Variants in ZNF469 observed in about 807,000 individuals in gnomAD.
ZNF469 encodes zinc finger protein 469.
Under a neutral mutation model 1.0 loss-of-function variants are expected in ZNF469, and 1 was observed. The ratio of observed to expected loss-of-function variants is 1.00; its 90% confidence interval spans 0.35 to 4.73. ZNF469 has a LOEUF of 4.73. Among genes scored for constraint, ZNF469 ranks in the 30% most tolerant of loss-of-function variants. The pLI is 0.16. For missense variants in ZNF469, 6,100 were observed against 5,356.3 expected (o/e 1.14, Z -4.33); for synonymous variants, 2,703 against 2,363.4 (o/e 1.14, Z -4.17).
chr16:88,234,920 G>A, the ZNF469 span: 1 of 152,204 alleles, frequency 6.6e-6, no homozygotes, highest in Non-Finnish European at 1.5e-5. Flanking sequence ...TTCCCCCTTG[G>A]CCCTGGGAAG....
the ZNF469 span, among the ~76,000 whole-genome samples, chr16:88,345,574 G>A: frequency 1.3e-5 from 2 of 152,014 alleles, no homozygotes; most frequent in Non-Finnish European, 2.9e-5. Context: ...GGCCTCTGCA[G>A]GCTGGCATGG....
chr16:88,189,480 G>A, the ZNF469 span, among the ~76,000 whole-genome samples: 6 of 152,314 alleles, frequency 3.9e-5, no homozygotes, highest in South Asian at 2.1e-4. The surrounding 1 kb of genome is among the most constrained non-coding windows in gnomAD (Gnocchi z 4.3). Flanking sequence ...CCCCTGGGAC[G>A]TGCTCTCTAG....
the ZNF469 span, among the ~76,000 whole-genome samples, chr16:88,347,637 A>T: frequency 6.6e-6 from 1 of 152,138 alleles, no homozygotes; most frequent in Non-Finnish European, 1.5e-5. Context: ...TCTGCCCCAC[A>T]TCCACCCCGA....
chr16:88,428,308 C>G lies in ZNF469; in HGVS notation c.838C>G (p.Leu280Val). ...TTCCTTCCAGTTCCCCTTCCCGGCA[C>G]TGCATGGGGCCAGCACAAAACCCTT... Reference protein sequence around the residue: ...GVSFQFPFPALHGASTKPFPA... With the variant: ...GVSFQFPFPAVHGASTKPFPA... Residue 280 changes from leucine to valine, a missense_variant, in exon 3 of 3, where the codon CTG (leucine) becomes GTG (valine). Coordinates refer to ENST00000565624, the MANE Select transcript of ZNF469 (RefSeq NM_001367624.2). 6.5e-7 allele frequency: 1 copy of G among 1,550,320 alleles called. No homozygotes were observed. Among genetic ancestry groups the G allele is most frequent in the Non-Finnish European group, 8.7e-7 (1 of 1,146,934 alleles).
the ZNF469 span, among the ~76,000 whole-genome samples, chr16:88,357,725 T>C: frequency 2.0e-5 from 3 of 152,228 alleles, no homozygotes; most frequent in Non-Finnish European, 4.4e-5. Context: ...CCATCGCATT[T>C]ATGGGAGATC....
the ZNF469 span, among the ~76,000 whole-genome samples, chr16:88,245,491 G>C: frequency 6.6e-6 from 1 of 152,266 alleles, no homozygotes; most frequent in Non-Finnish European, 1.5e-5. Flanking sequence ...TCCCTCTGTG[G>C]GTCCTGGAGA....
chr16:88,146,717 G>A, the ZNF469 span, among the ~76,000 whole-genome samples: 1 of 152,076 alleles, frequency 6.6e-6, no homozygotes, highest in African/African-American at 2.4e-5. Context: ...CAGCACAAGG[G>A]TGGTTTCCAG....
At chr16:88,409,688 T>C (rs1312666587) in intron 1 of ZNF469, among the ~76,000 whole-genome samples, 2 of 152,176 alleles carry the variant, frequency 1.3e-5, no homozygotes, top group Non-Finnish European at 2.9e-5. Flanking sequence ...GAAAAATGCA[T>C]GTGTTCACAC....
chr16:88,152,629 G>A, the ZNF469 span, among the ~76,000 whole-genome samples: 6 of 152,116 alleles, frequency 3.9e-5, no homozygotes, highest in Non-Finnish European at 7.4e-5. The surrounding 1 kb of genome is among the most constrained non-coding windows in gnomAD (Gnocchi z 4.2). Context: ...CTACCTCTGT[G>A]CTAATTGGAA....
chr16:88,301,872 G>A, the ZNF469 span, among the ~76,000 whole-genome samples: 10 of 152,296 alleles, frequency 6.6e-5, no homozygotes, highest in African/African-American at 1.9e-4. Context: ...AGGCAGGAGG[G>A]GGTAACTATC....
chr16:88,268,130 G>A, the ZNF469 span, among the ~76,000 whole-genome samples: 1 of 152,170 alleles, frequency 6.6e-6, no homozygotes, highest in Admixed American at 6.5e-5. Context: ...TTGGTGAAAT[G>A]TCTATTCAAG....
chr16:88,269,725 C>G, the ZNF469 span, among the ~76,000 whole-genome samples: 1 of 152,270 alleles, frequency 6.6e-6, no homozygotes, highest in African/African-American at 2.4e-5. Context: ...ATCCCCCCAG[C>G]ACACATTTGC....
chr16:88,182,635 G>T, the ZNF469 span, among the ~76,000 whole-genome samples: 1 of 152,010 alleles, frequency 6.6e-6, no homozygotes, highest in Non-Finnish European at 1.5e-5. Flanking sequence ...ATAACTTGAT[G>T]GGATAAAGAT....
In ZNF469 at chr16:88,434,268, C is replaced by T; in HGVS notation, c.6798C>T (p.Gly2266=). Residue 2266 remains glycine (G), a synonymous_variant, in exon 3 of 3, where the codon GGC becomes GGT. Coordinates refer to ENST00000565624, the MANE Select transcript of ZNF469 (RefSeq NM_001367624.2). ...AAGAGAAGCTGTGGGAGTCTCCTGG[C>T]CGAGCCACCTCTCCTCCTCTGGCAG... is the stretch of plus-strand genomic sequence containing the variant. ...SRKEKLWESP[G]RATSPPLAGA... 1 of 1,550,368 alleles carries T rather than the reference C, an allele frequency of 6.5e-7. No homozygotes were observed. The highest frequency in any genetic ancestry group is 8.7e-7 in the Non-Finnish European group (1 of 1,146,978).
At position 88,428,648 on chromosome 16, in the gene ZNF469, G is replaced by A; in HGVS notation, c.1178G>A (p.Ser393Asn). The change falls in exon 3 of 3, where the codon AGC becomes AAC. Residue 393 changes from serine to asparagine, a missense_variant. Coordinates refer to ENST00000565624, the MANE Select transcript of ZNF469 (RefSeq NM_001367624.2). Reference protein sequence around the residue: ...RPPSAQDGLGSTRGPPSSLPQ... With the variant: ...RPPSAQDGLGNTRGPPSSLPQ... Reference sequence around the variant, plus strand: ...CCTTCAGCCCAGGATGGGCTGGGGAGCACGAGAGGGCCCCCTAGCTCCCTA... The same window carrying A: ...CCTTCAGCCCAGGATGGGCTGGGGAACACGAGAGGGCCCCCTAGCTCCCTA... The A allele has an allele frequency of 6.5e-7, 1 of 1,550,132 alleles. No individual in the cohort carries two copies. Among genetic ancestry groups the A allele is most frequent in the East Asian group, 2.4e-5 (1 of 40,898 alleles).
chr16:88,170,581 CA>C, the ZNF469 span, among the ~76,000 whole-genome samples: 2 of 152,162 alleles, frequency 1.3e-5, no homozygotes, highest in Non-Finnish European at 2.9e-5. The surrounding 1 kb of genome is among the most constrained non-coding windows in gnomAD (Gnocchi z 4.2). Flanking sequence ...TGACGTCCTC[CA>C]GCCTCCTCCA....
At chr16:88,350,387 C>T in the ZNF469 span, among the ~76,000 whole-genome samples, 5 of 152,378 alleles carry the variant, frequency 3.3e-5, no homozygotes, top group African/African-American at 9.6e-5. Flanking sequence ...CACCTCCCGG[C>T]GCACCCACCT....
At chr16:88,136,463 A>G in the ZNF469 span, among the ~76,000 whole-genome samples, 1 of 152,242 alleles carries the variant, frequency 6.6e-6, no homozygotes, top group Non-Finnish European at 1.5e-5. Flanking sequence ...TGGCGGCAGC[A>G]GGGTCTATTT....
the ZNF469 span, among the ~76,000 whole-genome samples, chr16:88,250,161 G>A: frequency 1.6e-4 from 25 of 152,294 alleles, no homozygotes; most frequent in East Asian, 3.3e-3. Flanking sequence ...ATCAGGAAAC[G>A]GAACAAGACC....
Sources: allele counts gnomAD v4.1 joint callset (sites outside exome capture counted in the v4.1 genomes callset), GRCh38; gene constraint gnomAD v4.1.1; non-coding constraint Gnocchi (gnomAD v3.1); transcripts MANE v1.5; gene names NCBI Gene and HGNC (gene_info 2026-07-23, HGNC 2026-07-21).